PON3: variants seen among roughly 807,000 people sequenced by gnomAD.
PON3 encodes the protein paraoxonase 3.
PON3 carries 37 observed loss-of-function variants against 36.3 expected under a neutral mutation model. That is an observed-to-expected ratio of 1.02 (90% CI 0.78 to 1.34). PON3 has a LOEUF of 1.34. Ranked by LOEUF, PON3 falls within the 40% of genes most tolerant of loss-of-function variation. The pLI, the probability that PON3 is intolerant of heterozygous loss-of-function variation, is 0.00. For missense variants in PON3, 415 were observed against 426.5 expected (o/e 0.97, Z 0.24); for synonymous variants, 155 against 154.8 (o/e 1.00, Z -0.01).
intron 1 of PON3, 155 bp downstream of exon 1, chr7:95,396,122 G>A (rs113232859): frequency 1.5e-4 from 117 of 788,342 alleles, no homozygotes; most frequent in African/African-American, 1.5e-3. Context: ...CCCCATAAGC[G>A]AGTCTCAAGG....
Position 95,359,937 on chromosome 7 carries a change from T to C in PON3, c.*36A>G. 1.9e-6 allele frequency: 3 copies of C among 1,574,668 alleles called. No individual in the cohort carries two copies. Among genetic ancestry groups the C allele is most frequent in the South Asian group, 2.3e-5 (2 of 88,518 alleles). The stretch of plus-strand genomic sequence containing the variant: ...ATTATCAGTTTACTTTTACAAAATA[T>C]GTAGACTTTTTTTTTTTTTTTTTAC... On this transcript the variant is annotated 3_prime_UTR_variant, in exon 9 of 9. Transcript: ENST00000265627.
At chr7:95,390,997 C>A (rs1462264249) in intron 2 of PON3, among the ~76,000 whole-genome samples, 1 of 152,164 alleles carries the variant, frequency 6.6e-6, no homozygotes, top group African/African-American at 2.4e-5. Flanking sequence ...TCATTAAAAT[C>A]CCACTGCTAA....
intron 5 of PON3, 79 bp downstream of exon 5, chr7:95,367,283 A>C: frequency 6.5e-7 from 1 of 1,538,992 alleles, no homozygotes; most frequent in Non-Finnish European, 8.9e-7. Context: ...AGTTTAAGAA[A>C]GCCTGCTGAA....
intron 1 of PON3, among the ~76,000 whole-genome samples, chr7:95,395,208 C>T (rs945423363): frequency 6.6e-6 from 1 of 152,130 alleles, no homozygotes; most frequent in Non-Finnish European, 1.5e-5. Context: ...TGCTGACTTA[C>T]TCCGCAAGTA....
rs542150580 is a variant in PON3 at position 95,379,662 on chromosome 7, G to A, written c.202-7324C>T. 6.2e-3 allele frequency among the ~76,000 whole-genome samples: 946 copies of A among 152,290 alleles called. 10 individuals carry two copies. Among genetic ancestry groups the A allele is most frequent in the African/African-American group, 0.02 (838 of 41,560 alleles). ...GGAGCAGCGAGGCTGGGGGAGGGGC[G>A]CCCGCCATTGCTGAGGCTTGAGTAG... On this transcript the variant is annotated intron_variant, in intron 3 of 8. Transcript: ENST00000265627.
intron 3 of PON3, among the ~76,000 whole-genome samples, chr7:95,388,673 T>C (rs187923388): frequency 8.1e-4 from 123 of 152,240 alleles, no homozygotes; most frequent in African/African-American, 2.8e-3. Flanking sequence ...ACAATAGTAA[T>C]GACTTGGAAC....
chr7:95,382,082 C>A (rs886776571), intron 3 of PON3, among the ~76,000 whole-genome samples: 15 of 152,194 alleles, frequency 9.9e-5, no homozygotes, highest in Non-Finnish European at 1.8e-4. Flanking sequence ...GGAAACTGAA[C>A]AACCTGCTCC....
intron 3 of PON3, among the ~76,000 whole-genome samples, chr7:95,386,372 G>GAA: frequency 6.6e-6 from 1 of 152,136 alleles, no homozygotes; most frequent in East Asian, 1.9e-4. Context: ...AAATAAACTA[G>GAA]AAAATCTAGA....
At chr7:95,363,078 T>C (rs946337473) in intron 6 of PON3, among the ~76,000 whole-genome samples, 2 of 152,182 alleles carry the variant, frequency 1.3e-5, no homozygotes, top group East Asian at 1.9e-4. Context: ...ATGACATATA[T>C]AGGCTCAATC....
chr7:95,377,698 A>C (rs1305995570), intron 3 of PON3: 1 of 231,232 alleles, frequency 4.3e-6, no homozygotes, highest in Non-Finnish European at 9.1e-6. Flanking sequence ...GACTGTTAGA[A>C]GGAAAACTAA....
intron 3 of PON3, among the ~76,000 whole-genome samples, chr7:95,382,092 C>T (rs1809069013): frequency 6.6e-6 from 1 of 152,192 alleles, no homozygotes; most frequent in African/African-American, 2.4e-5. Context: ...CAACCTGCTC[C>T]TGAATGACTA....
rs576452749 is a variant in PON3, at chr7:95,384,743, G to C, written c.201+5411C>G. Reference sequence around the variant, plus strand: ...GGAGAAATAGGAACACTTTTACACTGCTGGTGGGACTGTAAACTAGTTCAA... The same window carrying C: ...GGAGAAATAGGAACACTTTTACACTCCTGGTGGGACTGTAAACTAGTTCAA... On this transcript the variant is annotated intron_variant, in intron 3 of 8. Coordinates refer to ENST00000265627, the MANE Select transcript of PON3 (RefSeq NM_000940.3). Among the ~76,000 whole-genome samples, 8 of 152,326 alleles carry C rather than the reference G, an allele frequency of 5.3e-5. No homozygotes were observed. The South Asian group carries it at 1.5e-3, about 28-fold the overall frequency.
chr7:95,376,396 A>C (rs1444145165), intron 3 of PON3, among the ~76,000 whole-genome samples: 1 of 152,218 alleles, frequency 6.6e-6, no homozygotes, highest in Admixed American at 6.5e-5. Flanking sequence ...ACTTCCAAAC[A>C]TCTTCTAGGA....
At chr7:95,392,029 G>A (rs1023153908) in intron 2 of PON3, among the ~76,000 whole-genome samples, 4 of 152,200 alleles carry the variant, frequency 2.6e-5, no homozygotes, top group African/African-American at 9.6e-5. Flanking sequence ...TCTTCTGTAT[G>A]TCAATTTCCT....
chr7:95,377,028 C>T lies in PON3; in HGVS notation c.202-4690G>A, dbSNP rs186294031. Among the ~76,000 whole-genome samples the T allele has an allele frequency of 1.6e-3, 248 of 152,332 alleles. 1 individual carries two copies. The highest frequency in any genetic ancestry group is 6.8e-3 in the Middle Eastern group (2 of 294). On this transcript the variant is annotated intron_variant, in intron 3 of 8. Coordinates refer to ENST00000265627, the MANE Select transcript of PON3 (RefSeq NM_000940.3). ...CCGTGACAGTCTGTACCTGGAGGAA[C>T]GGTACGCTCCTGCCCAAATACTGTG... is the stretch of plus-strand genomic sequence containing the variant.
intron 5 of PON3, among the ~76,000 whole-genome samples, chr7:95,366,184 G>A (rs1291114906): frequency 6.6e-6 from 1 of 152,102 alleles, no homozygotes; most frequent in Admixed American, 6.6e-5. Context: ...CACTTTCTGG[G>A]AGACTCTTCC....
intron 4 of PON3, among the ~76,000 whole-genome samples, chr7:95,368,063 T>A (rs188585383): frequency 1.3e-5 from 2 of 152,238 alleles, no homozygotes; most frequent in Non-Finnish European, 2.9e-5. Context: ...TAAAACAAAC[T>A]AACTAATTCT....
intron 3 of PON3, among the ~76,000 whole-genome samples, chr7:95,381,298 T>C (rs1375038894): frequency 6.6e-6 from 1 of 152,182 alleles, no homozygotes; most frequent in East Asian, 1.9e-4. Flanking sequence ...CATCAACTAA[T>C]GAGCAAAATA....
At position 95,390,062 on chromosome 7, in the gene PON3, A is replaced by G. The variant is rs1453612043; in HGVS notation, c.201+92T>C. The G allele has an allele frequency of 3.1e-6, 4 of 1,305,744 alleles. No individual in the cohort carries two copies. In the African/African-American group the frequency reaches 4.4e-5, roughly 14 times the overall value. The allele number at this position is 1,305,744 out of a possible 1,614,324, so 80.9% of individuals were successfully genotyped here. ...TTACCCGGAGGTGGGATGAGAGCAT[A>G]GGGATCCATCTGGCAGCTCCAGAGG... is the stretch of plus-strand genomic sequence containing the variant. On this transcript the variant is annotated intron_variant, in intron 3 of 8. Coordinates refer to ENST00000265627, the MANE Select transcript of PON3 (RefSeq NM_000940.3).
Sources: allele counts gnomAD v4.1 joint callset (sites outside exome capture counted in the v4.1 genomes callset), GRCh38; gene constraint gnomAD v4.1.1; transcripts MANE v1.5; gene names NCBI Gene and HGNC (gene_info 2026-07-23, HGNC 2026-07-21).